The following PLEK variants were observed in gnomAD, a reference collection of about 807,000 sequenced individuals.
PLEK encodes platelet 47 kDa protein.
Under a neutral mutation model 43.9 loss-of-function variants are expected in PLEK, and 25 were observed. That is an observed-to-expected ratio of 0.57 (90% CI 0.41 to 0.79). The LOEUF (loss-of-function observed/expected upper bound fraction) is 0.79. Among genes scored for constraint, PLEK ranks in the 30% least tolerant of loss-of-function variants. The probability of loss-of-function intolerance (pLI) is 0.00; values close to 1 mark genes in which losing one functional copy is unlikely to be tolerated. For synonymous variants in PLEK, 152 were observed against 144.4 expected (o/e 1.05, Z -0.38); for missense variants, 396 against 413.3 (o/e 0.96, Z 0.36).
At chr2:68,375,869 C>A (rs1377228160) in intron 1 of PLEK, among the ~76,000 whole-genome samples, 1 of 152,166 alleles carries the variant, frequency 6.6e-6, no homozygotes, top group African/African-American at 2.4e-5. Context: ...TCAGAATGGT[C>A]AACTTATTGC....
chr2:68,393,863 C>T (rs1673908199), intron 7 of PLEK, among the ~76,000 whole-genome samples: 1 of 152,154 alleles, frequency 6.6e-6, no homozygotes, highest in Non-Finnish European at 1.5e-5. Flanking sequence ...CACTTTTCTC[C>T]AGATTGAAGT....
chr2:68,390,128 G>A (rs571303934), intron 6 of PLEK, among the ~76,000 whole-genome samples: 1 of 152,262 alleles, frequency 6.6e-6, no homozygotes, highest in East Asian at 1.9e-4. Flanking sequence ...AATTGTGTGT[G>A]GGTAATGAGT....
intron 1 of PLEK, among the ~76,000 whole-genome samples, chr2:68,377,854 ATGTC>A (rs1439627627): frequency 2.0e-5 from 3 of 152,176 alleles, no homozygotes; most frequent in Admixed American, 2.0e-4. Context: ...GGCCAGACCA[ATGTC>A]TTGTAGATTT....
chr2:68,382,657 A>G (rs754324943), intron 4 of PLEK, 24 bp downstream of exon 4: 2 of 1,334,574 alleles, frequency 1.5e-6, no homozygotes, highest in African/African-American at 1.4e-5. Flanking sequence ...CAGGCCTGAA[A>G]TAGGGCGACT....
intron 1 of PLEK, among the ~76,000 whole-genome samples, chr2:68,369,115 G>C (rs556373048): frequency 6.6e-6 from 1 of 152,186 alleles, no homozygotes; most frequent in Non-Finnish European, 1.5e-5. Context: ...AACAGCTAAC[G>C]CATGTGGTGT....
intron 5 of PLEK, among the ~76,000 whole-genome samples, chr2:68,387,507 G>T (rs1011571809): frequency 6.6e-6 from 1 of 152,142 alleles, no homozygotes; most frequent in African/African-American, 2.4e-5. Context: ...AATACAAAAT[G>T]TGTCCACAGA....
intron 6 of PLEK, among the ~76,000 whole-genome samples, chr2:68,392,251 AG>A (rs1673876298): frequency 6.8e-6 from 1 of 147,098 alleles, no homozygotes. Context: ...TTACAGCAAC[AG>A]GCATTTCCAT....
chr2:68,393,211 A>G lies in PLEK; in HGVS notation c.812A>G (p.Asp271Gly), dbSNP rs1254477988. The G allele has an allele frequency of 3.7e-6, 6 of 1,612,484 alleles. No individual in the cohort carries two copies. The South Asian group carries it at 6.6e-5, about 18-fold the overall frequency. ...GTGAGGAAGTTCATCTTGAGAGAAG[A>G]CCCTGCCTACCTGCACTACTATGAC... ...WKVRKFILRE[D>G]PAYLHYYDPA... Residue 271 changes from aspartate to glycine, a missense_variant, in exon 7 of 9, where the codon GAC becomes GGC. By Grantham distance (94) the Asp-to-Gly change is moderately conservative. Transcript: ENST00000234313.
chr2:68,379,874 A>C (rs1346122125), intron 1 of PLEK, among the ~76,000 whole-genome samples: 1 of 152,136 alleles, frequency 6.6e-6, no homozygotes, highest in African/African-American at 2.4e-5. Context: ...TGCCATGGAG[A>C]AGGAAAGATA....
chr2:68,396,206 G>T lies in PLEK; in HGVS notation c.*390G>T, dbSNP rs1442630167. 1 of 177,230 alleles carries T rather than the reference G, an allele frequency of 5.6e-6. No individual in the cohort carries two copies. The highest frequency in any genetic ancestry group is 1.2e-5 in the Non-Finnish European group (1 of 81,824). The allele number at this position is 177,230 out of a possible 1,614,324, so 11.0% of individuals were successfully genotyped here. ...ACTCGCAGTAGTGATAGTGTATCTA[G>T]TTGTTCTGCTGGTGTCCTTCCTTGG... On this transcript the variant is annotated 3_prime_UTR_variant, in exon 9 of 9. Transcript: ENST00000234313.
rs150518476 is a variant in PLEK, at chr2:68,390,474, C to T, written c.762+1983C>T. Among the ~76,000 whole-genome samples the T allele has an allele frequency of 1.2e-3, 187 of 152,284 alleles. 1 individual carries two copies. Among genetic ancestry groups the T allele is most frequent in the African/African-American group, 4.4e-3 (181 of 41,544 alleles). ...TTTATGTGAAGAAAACAGAAATCTA[C>T]GTGCATTCAGGAATTTTGTTCTTTT... On this transcript the variant is annotated intron_variant, in intron 6 of 8. Coordinates refer to ENST00000234313, the MANE Select transcript of PLEK (RefSeq NM_002664.3).
chr2:68,388,124 T>G, intron 5 of PLEK: 1 of 375,942 alleles, frequency 2.7e-6, no homozygotes, highest in Non-Finnish European at 4.9e-6. Context: ...AGGATACAGC[T>G]TGGGAGACCC....
chr2:68,380,115 T>G (rs1375404496), intron 1 of PLEK, among the ~76,000 whole-genome samples: 1 of 151,990 alleles, frequency 6.6e-6, no homozygotes, highest in Non-Finnish European at 1.5e-5. Context: ...TTCCAGAGAA[T>G]GGGGTTGGCT....
At chr2:68,379,256 T>C (rs998335899) in intron 1 of PLEK, among the ~76,000 whole-genome samples, 1 of 152,194 alleles carries the variant, frequency 6.6e-6, no homozygotes, top group Non-Finnish European at 1.5e-5. Flanking sequence ...TGAAGGCAGA[T>C]TTGGGGTAAA....
chr2:68,395,703 C>A lies in PLEK; in HGVS notation c.940C>A (p.Leu314Ile). Residue 314 changes from leucine (L) to isoleucine (I), a missense_variant, in exon 9 of 9, where the codon CTT (leucine) becomes ATT (isoleucine). Physicochemically the swap from Leu to Ile is conservative, Grantham distance 5. Coordinates refer to ENST00000234313, the MANE Select transcript of PLEK (RefSeq NM_002664.3). Reference sequence around the variant, plus strand: ...AGGCAGGAAGAGTGAGGAAGAGAACCTTTTTGAGATCATCACAGCAGATGA... The same window carrying A: ...AGGCAGGAAGAGTGAGGAAGAGAACATTTTTGAGATCATCACAGCAGATGA... Reference protein sequence around the residue: ...SNGRKSEEENLFEIITADEVH... With the variant: ...SNGRKSEEENIFEIITADEVH... The A allele has an allele frequency of 6.2e-7, 1 of 1,614,030 alleles. No homozygotes were observed.
At chr2:68,369,629 A>T (rs1446552816) in intron 1 of PLEK, among the ~76,000 whole-genome samples, 1 of 152,038 alleles carries the variant, frequency 6.6e-6, no homozygotes, top group Non-Finnish European at 1.5e-5. Flanking sequence ...TGTATACTAC[A>T]TGCTGGCCAC....
chr2:68,379,692 G>A (rs977219518), intron 1 of PLEK, among the ~76,000 whole-genome samples: 2 of 152,066 alleles, frequency 1.3e-5, no homozygotes, highest in African/African-American at 4.8e-5. Flanking sequence ...AGCAGGAAAG[G>A]GTTTGGGTGG....
At chr2:68,380,524 C>A in intron 2 of PLEK, 41 bp downstream of exon 2, 2 of 1,593,032 alleles carry the variant, frequency 1.3e-6, no homozygotes, top group Non-Finnish European at 1.7e-6. Flanking sequence ...CCTGGTCAGG[C>A]ACTCAACTTT....
intron 1 of PLEK, among the ~76,000 whole-genome samples, chr2:68,377,257 C>T (rs1022395883): frequency 2.0e-5 from 3 of 152,180 alleles, no homozygotes; most frequent in Admixed American, 1.3e-4. Flanking sequence ...CATCCATATA[C>T]CGATTTCCTT....
Sources: gnomAD v4.1 joint callset for allele counts (sites outside exome capture counted in the v4.1 genomes callset) on GRCh38, gnomAD v4.1.1 for gene constraint, MANE v1.5 for transcripts, NCBI Gene and HGNC (gene_info 2026-07-23, HGNC 2026-07-21) for gene names.